TGS1: variants seen among roughly 807,000 people sequenced by gnomAD.
TGS1 encodes the protein trimethylguanosine synthase.
Under a neutral mutation model 92.2 loss-of-function variants are expected in TGS1, and 69 were observed. The observed-to-expected ratio is 0.75, with a 90% CI of 0.62 to 0.91. The LOEUF (loss-of-function observed/expected upper bound fraction) is 0.91. Among genes scored for constraint, TGS1 ranks in the 40% least tolerant of loss-of-function variants. The pLI is 0.00. For missense variants in TGS1, 1,062 were observed against 1,001.2 expected (o/e 1.06, Z -0.82); for synonymous variants, 345 against 338.1 (o/e 1.02, Z -0.22).
rs556792590 is a variant in TGS1, at chr8:55,791,974, AC to A, written c.1281-723del. Among the ~76,000 whole-genome samples, 40 of 152,306 alleles carry A rather than the reference AC, an allele frequency of 2.6e-4. No homozygotes were observed. In the East Asian group the frequency reaches 7.1e-3, roughly 27 times the overall value. ...GGATATGGGGTGCTCCACGTAAGAC[AC>A]TTGTACTCCATATAGCTTCTGGAAA... On this transcript the variant is annotated intron_variant, in intron 5 of 12. Coordinates refer to ENST00000260129, the MANE Select transcript of TGS1 (RefSeq NM_024831.8).
In TGS1 at chr8:55,804,815, T is replaced by C. The variant is rs952009096; in HGVS notation, c.2000-78T>C. On this transcript the variant is annotated intron_variant, in intron 9 of 12. Transcript: ENST00000260129. ...AAGCTTTTTAAAAGTATGTAAGATA[T>C]AGTAATGTTTGCTATGTTTATGCTT... The C allele has an allele frequency of 1.1e-5, 14 of 1,234,408 alleles. No homozygotes were observed. The African/African-American group carries it at 1.8e-4, about 16-fold the overall frequency. The allele number at this position is 1,234,408 out of a possible 1,614,324, so 76.5% of individuals were successfully genotyped here.
intron 8 of TGS1, among the ~76,000 whole-genome samples, chr8:55,800,618 A>G (rs938064412): frequency 1.3e-5 from 2 of 152,228 alleles, no homozygotes; most frequent in Admixed American, 6.5e-5. Context: ...TTTAGTACTC[A>G]GTTACTTAAT....
At chr8:55,795,576 T>C (rs1164558434) in intron 6 of TGS1, among the ~76,000 whole-genome samples, 1 of 152,198 alleles carries the variant, frequency 6.6e-6, no homozygotes, top group East Asian at 1.9e-4. Flanking sequence ...TTTAGATAAT[T>C]CAAATGTATC....
Position 55,822,561 on chromosome 8 carries a change from T to TC in TGS1, c.2440-2015dup, listed in dbSNP as rs1554566551. Among the ~76,000 whole-genome samples, 12 of 150,806 alleles carry TC rather than the reference T, an allele frequency of 8.0e-5. No homozygotes were observed. In the South Asian group the frequency reaches 8.3e-4, roughly 10 times the overall value. On this transcript the variant is annotated intron_variant, in intron 12 of 12. Transcript: ENST00000260129. ...AAAGACAAAATACCTTTTTTTTTTT[T>TC]CCCCCTTTCTTGTAAAAAAACCAGA...
chr8:55,798,856 G>A (rs2130177420), intron 7 of TGS1, 58 bp from the exon 8 acceptor site: 1 of 1,366,006 alleles, frequency 7.3e-7, no homozygotes, highest in South Asian at 1.4e-5. Context: ...TAATAGGTAG[G>A]AAGATTCTGT....
intron 1 of TGS1, among the ~76,000 whole-genome samples, chr8:55,781,536 C>T (rs1811562718): frequency 1.3e-5 from 2 of 152,234 alleles, no homozygotes; most frequent in South Asian, 2.1e-4. Context: ...CTCCACCTGA[C>T]ACTTCAGTGC....
chr8:55,820,108 C>T (rs898509730), intron 12 of TGS1, among the ~76,000 whole-genome samples: 23 of 152,150 alleles, frequency 1.5e-4, no homozygotes, highest in African/African-American at 4.6e-4. Flanking sequence ...TTTCAGCGCT[C>T]TGATGTTTCT....
rs772717566 is a variant in TGS1, at chr8:55,786,667, G to T, written c.769G>T (p.Ala257Ser). The change falls in exon 4 of 13, where the codon GCT (alanine) becomes TCT (serine). Residue 257 changes from alanine to serine, a missense_variant. By Grantham distance (99) the Ala-to-Ser change is moderately conservative. Transcript: ENST00000260129. ...TTTGGAACAATTTCAGTATTGGGAAGCTCAGGGTTGGACTTTTGATGCCTC... is the reference window on the plus strand; with the variant it reads ...TTTGGAACAATTTCAGTATTGGGAATCTCAGGGTTGGACTTTTGATGCCTC... ...YYLEQFQYWE[A>S]QGWTFDASQS... 1 of 1,614,136 alleles carries T rather than the reference G, an allele frequency of 6.2e-7. No individual in the cohort carries two copies. Among genetic ancestry groups the T allele is most frequent in the Non-Finnish European group, 8.5e-7 (1 of 1,180,018 alleles).
chr8:55,789,475 A>G (rs1438536910), intron 4 of TGS1, among the ~76,000 whole-genome samples: 3 of 152,200 alleles, frequency 2.0e-5, no homozygotes, highest in Non-Finnish European at 2.9e-5. Context: ...AGCTATCACA[A>G]AGGCAGCTTT....
Position 55,799,049 on chromosome 8 carries a change from G to A in TGS1, c.1678G>A (p.Asp560Asn), listed in dbSNP as rs1812140853. The change falls in exon 8 of 13, where the codon GAT becomes AAT. Residue 560 changes from aspartate (D) to asparagine (N), a missense_variant. Asp to Asn is a conservative substitution (Grantham distance 23). Transcript: ENST00000260129. ...ACAAGACATGTCTGTTAAAAAAGGT[G>A]ATGACCTACTGGAGACTAATAATCC... ...EEQDMSVKKG[D>N]DLLETNNPEP... is the part of the protein sequence containing the mutation. The A allele has an allele frequency of 6.2e-7, 1 of 1,614,190 alleles. No individual in the cohort carries two copies. Among genetic ancestry groups the A allele is most frequent in the Non-Finnish European group, 8.5e-7 (1 of 1,180,036 alleles).
At chr8:55,792,916 A>T (rs1424327188) in intron 6 of TGS1, 132 bp downstream of exon 6, 4 of 635,292 alleles carry the variant, frequency 6.3e-6, no homozygotes, top group Non-Finnish European at 1.1e-5. Flanking sequence ...TCTTGTTAGA[A>T]TTGTGGTAGA....
At chr8:55,792,494 G>A (rs969826022) in intron 5 of TGS1, among the ~76,000 whole-genome samples, 1 of 152,154 alleles carries the variant, frequency 6.6e-6, no homozygotes, top group Non-Finnish European at 1.5e-5. Context: ...TTATTGCTGT[G>A]TTCCAAATGC....
At position 55,796,015 on chromosome 8, in the gene TGS1, A is replaced by C. The variant is rs754003585; in HGVS notation, c.1405A>C (p.Arg469=). 1 of 1,613,580 alleles carries C rather than the reference A, an allele frequency of 6.2e-7. No homozygotes were observed. The highest frequency in any genetic ancestry group is 8.5e-7 in the Non-Finnish European group (1 of 1,179,786). The part of the protein sequence containing the change: ...GIPNFSHRQV[R]YLEKNVKLKS... ...CCCAAATTTCAGTCATCGGCAGGTC[A>C]GGTATTTAGAGAAGAATGTGAAGCT... The change falls in exon 7 of 13, where the codon AGG becomes CGG. Residue 469 remains arginine (R), a synonymous_variant. Transcript: ENST00000260129.
Position 55,824,928 on chromosome 8 carries a change from TA to T in TGS1, c.*226del. On this transcript the variant is annotated 3_prime_UTR_variant, in exon 13 of 13. Transcript: ENST00000260129. The stretch of plus-strand genomic sequence containing the variant: ...TAATATATATGAGTCCTTTGTAATT[TA>T]TTTTTTTTTGAGACAGGATCTCACT... The T allele has an allele frequency of 4.5e-6, 2 of 440,398 alleles. No individual in the cohort carries two copies. Among genetic ancestry groups the T allele is most frequent in the Non-Finnish European group, 7.8e-6 (2 of 257,786 alleles). 27.3% of individuals were successfully genotyped at this position (440,398 alleles called of 1,614,324 possible).
intron 12 of TGS1, among the ~76,000 whole-genome samples, chr8:55,815,924 T>G (rs1803460867): frequency 8.9e-6 from 1 of 112,422 alleles, no homozygotes; most frequent in Admixed American, 8.5e-5. Context: ...TAATTTTTAT[T>G]TATTTATTTA....
At chr8:55,800,946 G>T (rs1347576999) in intron 8 of TGS1, among the ~76,000 whole-genome samples, 4 of 152,058 alleles carry the variant, frequency 2.6e-5, no homozygotes, top group Non-Finnish European at 5.9e-5. Context: ...CTTCTAATTT[G>T]CTGAAGACTG....
intron 7 of TGS1, among the ~76,000 whole-genome samples, chr8:55,796,762 G>A (rs772971719): frequency 2.0e-5 from 3 of 151,552 alleles, no homozygotes; most frequent in Admixed American, 6.6e-5. Context: ...AGGCTGAGGC[G>A]GATGGATCAC....
At chr8:55,805,786 G>T (rs889359464) in intron 10 of TGS1, among the ~76,000 whole-genome samples, 39 of 151,446 alleles carry the variant, frequency 2.6e-4, no homozygotes, top group Admixed American at 2.6e-3. Context: ...GGAGGCTGAG[G>T]CAGGAGACTC....
chr8:55,810,971 G>T lies in TGS1; in HGVS notation c.2234G>T (p.Cys745Phe). 6.2e-7 allele frequency: 1 copy of T among 1,614,202 alleles called. No individual in the cohort carries two copies. Among genetic ancestry groups the T allele is most frequent in the South Asian group, 1.1e-5 (1 of 91,092 alleles). ...YGIADKIEFI[C>F]GDFLLLASFL... ...ATAGCAGATAAGATAGAGTTCATCTGTGGAGATTTCTTGCTGCTGGCTTCT... is the reference window on the plus strand; with the variant it reads ...ATAGCAGATAAGATAGAGTTCATCTTTGGAGATTTCTTGCTGCTGGCTTCT... The change falls in exon 11 of 13, where the codon TGT becomes TTT. Residue 745 changes from cysteine to phenylalanine, a missense_variant. Cys to Phe is a radical substitution (Grantham distance 205). Coordinates refer to ENST00000260129, the MANE Select transcript of TGS1 (RefSeq NM_024831.8).
Sources: gnomAD v4.1 joint callset for allele counts (sites outside exome capture counted in the v4.1 genomes callset) on GRCh38, gnomAD v4.1.1 for gene constraint, MANE v1.5 for transcripts, NCBI Gene and HGNC (gene_info 2026-07-23, HGNC 2026-07-21) for gene names.